GNAT3: variants seen among roughly 807,000 people sequenced by gnomAD.
GNAT3 encodes the protein G protein subunit alpha transducin 3.
A neutral mutation model predicts 37.7 loss-of-function variants in GNAT3; 31 were observed. The ratio of observed to expected loss-of-function variants is 0.82; its 90% CI spans 0.62 to 1.11. The LOEUF (loss-of-function observed/expected upper bound fraction) is 1.11, where lower values mean the gene tolerates loss of function less well. Ranked by LOEUF, GNAT3 falls within the 50% of genes most tolerant of loss-of-function variation. The probability of loss-of-function intolerance (pLI) is 0.00; values close to 1 mark genes in which losing one functional copy is unlikely to be tolerated. For missense variants in GNAT3, 437 were observed against 412.5 expected, an observed-to-expected ratio of 1.06 and a Z score of -0.51; for synonymous variants, 138 against 139.8, an observed-to-expected ratio of 0.99 and a Z score of 0.09.
intron 5 of GNAT3, 50 bp from the exon 6 acceptor site, chr7:80,462,681 A>G (rs1790071409): frequency 2.0e-6 from 3 of 1,484,166 alleles, no homozygotes; most frequent in Non-Finnish European, 2.8e-6. Context: ...ATCCTCCAAA[A>G]TGTGCATTGA....
intron 2 of GNAT3, among the ~76,000 whole-genome samples, chr7:80,489,472 G>T (rs1289096019): frequency 6.6e-6 from 1 of 151,630 alleles, no homozygotes; most frequent in African/African-American, 2.4e-5. Flanking sequence ...CATCTTTTTG[G>T]ATGTCATATT....
At chr7:80,509,838 T>G (rs1791029417) in intron 1 of GNAT3, among the ~76,000 whole-genome samples, 1 of 152,058 alleles carries the variant, frequency 6.6e-6, no homozygotes. Flanking sequence ...CATTTTTAAT[T>G]TATTTTTTTA....
intron 1 of GNAT3, among the ~76,000 whole-genome samples, chr7:80,496,988 G>A (rs1313184266): frequency 6.6e-6 from 1 of 151,948 alleles, no homozygotes; most frequent in Non-Finnish European, 1.5e-5. Flanking sequence ...ATTTTCTGGT[G>A]GTGATATATA....
In GNAT3 at chr7:80,462,511, G is replaced by C; in HGVS notation, c.711C>G (p.Asp237Glu). ...TTTCCTTTAGACTTACCACTTCTTC[G>C]TCTTCCACGAGGACCATGTCATAGG... ...LSAYDMVLVEDEEVNRMHESL... is the reference protein window; with the variant it reads ...LSAYDMVLVEEEEVNRMHESL... Residue 237 changes from aspartate to glutamate, a missense_variant, in exon 6 of 8, where the codon GAC (aspartate) becomes GAG (glutamate). Asp to Glu is a conservative substitution (Grantham distance 45, BLOSUM62 2). Coordinates refer to ENST00000398291, the MANE Select transcript of GNAT3 (RefSeq NM_001102386.3). 1 of 1,612,826 alleles carries C rather than the reference G, an allele frequency of 6.2e-7. No homozygotes were observed. Among genetic ancestry groups the C allele is most frequent in the South Asian group, 1.1e-5 (1 of 90,744 alleles).
At chr7:80,495,789 T>A (rs931342701) in intron 1 of GNAT3, among the ~76,000 whole-genome samples, 8 of 152,102 alleles carry the variant, frequency 5.3e-5, no homozygotes, top group African/African-American at 1.4e-4. Context: ...TAATTTACAT[T>A]TCTCTGACAA....
intron 1 of GNAT3, among the ~76,000 whole-genome samples, chr7:80,497,690 A>G (rs1790760042): frequency 6.7e-6 from 1 of 150,316 alleles, no homozygotes; most frequent in Non-Finnish European, 1.5e-5. Flanking sequence ...ATACACACAC[A>G]CTGTCTTAAA....
chr7:80,459,356 T>A (rs1248310400), intron 7 of GNAT3, among the ~76,000 whole-genome samples: 1 of 152,184 alleles, frequency 6.6e-6, no homozygotes, highest in Non-Finnish European at 1.5e-5. Flanking sequence ...GGAAACAGAC[T>A]GAGCTTTGAA....
chr7:80,479,103 C>G (rs749883784), intron 3 of GNAT3, 105 bp from the exon 4 acceptor site: 11 of 808,728 alleles, frequency 1.4e-5, no homozygotes, highest in East Asian at 2.9e-5. Context: ...ATTCTTTTAG[C>G]TAATAATTCC....
At chr7:80,488,432 T>A in intron 3 of GNAT3, 103 bp downstream of exon 3, 1 of 831,282 alleles carries the variant, frequency 1.2e-6, no homozygotes, top group Non-Finnish European at 1.8e-6. Context: ...TTCATATTTT[T>A]AAATTTTGGA....
chr7:80,473,553 C>T (rs980993586), intron 5 of GNAT3, among the ~76,000 whole-genome samples: 1 of 152,026 alleles, frequency 6.6e-6, no homozygotes, highest in African/African-American at 2.4e-5. Context: ...CTAAACAATG[C>T]AGCTAGAACC....
intron 1 of GNAT3, among the ~76,000 whole-genome samples, chr7:80,508,347 G>T (rs1332362098): frequency 6.6e-6 from 1 of 151,824 alleles, no homozygotes; most frequent in East Asian, 1.9e-4. Context: ...AAAGAGAGGA[G>T]AAAGGAAAAA....
intron 2 of GNAT3, among the ~76,000 whole-genome samples, chr7:80,491,725 A>C (rs1372648070): frequency 6.6e-6 from 1 of 152,186 alleles, no homozygotes; most frequent in East Asian, 1.9e-4. Context: ...AATCTTCGTA[A>C]GGGCAACTTC....
Position 80,474,430 on chromosome 7 carries a change from C to T in GNAT3, c.462-51G>A, listed in dbSNP as rs866161153. On this transcript the variant is annotated intron_variant, in intron 4 of 7. Transcript: ENST00000398291. ...TATGTGTATATATAATACATAAATA[C>T]ATACATATATGTATATATACACACA... 197 of 788,982 alleles carry T rather than the reference C, an allele frequency of 2.5e-4. 2 individuals are homozygous for T. In the Middle Eastern group the frequency reaches 8.0e-3, roughly 32 times the overall value. 48.9% of individuals were successfully genotyped at this position (788,982 alleles called of 1,614,324 possible).
At chr7:80,475,166 C>T (rs995572550) in intron 4 of GNAT3, among the ~76,000 whole-genome samples, 7 of 151,952 alleles carry the variant, frequency 4.6e-5, no homozygotes, top group Admixed American at 4.6e-4. Context: ...TTTACCCCTT[C>T]CAGGAAGCTA....
At chr7:80,508,463 C>T (rs1008633844) in intron 1 of GNAT3, among the ~76,000 whole-genome samples, 3 of 151,920 alleles carry the variant, frequency 2.0e-5, no homozygotes, top group Non-Finnish European at 2.9e-5. Flanking sequence ...TACTTAGATA[C>T]AAATGAGAAT....
chr7:80,484,855 C>G (rs1283627518), intron 3 of GNAT3, among the ~76,000 whole-genome samples: 1 of 152,054 alleles, frequency 6.6e-6, no homozygotes, highest in African/African-American at 2.4e-5. Flanking sequence ...TACTCCTTGG[C>G]TATAGGTCCT....
At chr7:80,509,158 A>T (rs142916550) in intron 1 of GNAT3, among the ~76,000 whole-genome samples, 1 of 152,112 alleles carries the variant, frequency 6.6e-6, no homozygotes, top group African/African-American at 2.4e-5. Context: ...AAGCACTTTT[A>T]TAATGTCTTA....
chr7:80,502,439 G>A (rs369988211), intron 1 of GNAT3, among the ~76,000 whole-genome samples: 2 of 151,946 alleles, frequency 1.3e-5, no homozygotes, highest in East Asian at 3.9e-4. Context: ...TCCCACACAG[G>A]TCTGTTGCAG....
Position 80,464,737 on chromosome 7 carries a change from A to G in GNAT3, c.591-2106T>C, listed in dbSNP as rs148529860. Reference sequence around the variant, plus strand: ...GTAATAAATGTCTACCGATCTGATTATTGAAAATAATCAAAAGTACAATAT... The same window carrying G: ...GTAATAAATGTCTACCGATCTGATTGTTGAAAATAATCAAAAGTACAATAT... On this transcript the variant is annotated intron_variant, in intron 5 of 7. Coordinates refer to ENST00000398291, the MANE Select transcript of GNAT3 (RefSeq NM_001102386.3). Among the ~76,000 whole-genome samples the G allele has an allele frequency of 8.7e-3, 1,321 of 152,206 alleles. 30 individuals carry two copies. The highest frequency in any genetic ancestry group is 6.8e-3 in the Non-Finnish European group (464 of 67,994).
Sources: allele counts gnomAD v4.1 joint callset (sites outside exome capture counted in the v4.1 genomes callset), GRCh38; gene constraint gnomAD v4.1.1; transcripts MANE v1.5; gene names NCBI Gene and HGNC (gene_info 2026-07-23, HGNC 2026-07-21).